KCNB2: variants seen among roughly 807,000 people sequenced by gnomAD.
The protein encoded by KCNB2 is delayed rectifier potassium channel protein.
KCNB2 carries 15 observed loss-of-function variants against 61.5 expected under a neutral mutation model. The observed-to-expected ratio is 0.24, with a 90% confidence interval of 0.16 to 0.38. The LOEUF is 0.38. KCNB2 is among the 10% of genes least tolerant of loss of function. The pLI is 1.00. For missense variants in KCNB2, 828 were observed against 1,125.2 expected (o/e 0.74, Z 3.78); for synonymous variants, 457 against 446.0 (o/e 1.02, Z -0.31).
intron 2 of KCNB2, among the ~76,000 whole-genome samples, chr8:72,612,771 G>A (rs892929406): frequency 6.6e-6 from 1 of 152,044 alleles, no homozygotes; most frequent in Non-Finnish European, 1.5e-5. Flanking sequence ...GTATGATTTT[G>A]GTCCTTAGAA....
At chr8:72,611,873 C>T (rs1185224751) in intron 2 of KCNB2, among the ~76,000 whole-genome samples, 2 of 152,072 alleles carry the variant, frequency 1.3e-5, no homozygotes, top group South Asian at 2.1e-4. Flanking sequence ...TCACTTTCTT[C>T]GTTTTCAAAT....
intron 2 of KCNB2, among the ~76,000 whole-genome samples, chr8:72,662,104 T>C (rs895293698): frequency 1.4e-4 from 22 of 152,172 alleles, no homozygotes; most frequent in Non-Finnish European, 3.2e-4. Context: ...AAACTTCCAA[T>C]GATTAAACAT....
chr8:72,888,929 C>T (rs576196201), intron 2 of KCNB2, among the ~76,000 whole-genome samples: 2 of 152,162 alleles, frequency 1.3e-5, no homozygotes, highest in Admixed American at 1.3e-4. Flanking sequence ...TGCTACTGCT[C>T]TTATGAAATT....
intron 2 of KCNB2, among the ~76,000 whole-genome samples, chr8:72,789,521 G>A (rs77482798): frequency 6.6e-6 from 1 of 152,082 alleles, no homozygotes; most frequent in African/African-American, 2.4e-5. Context: ...GGTAGAGAAG[G>A]GGGAGGCAGG....
At chr8:72,648,059 A>C (rs977164637) in intron 2 of KCNB2, among the ~76,000 whole-genome samples, 1 of 152,158 alleles carries the variant, frequency 6.6e-6, no homozygotes, top group Admixed American at 6.6e-5. Flanking sequence ...GAACTTTTGC[A>C]AACGAGAGCT....
At chr8:72,853,211 G>T (rs554076137) in intron 2 of KCNB2, among the ~76,000 whole-genome samples, 1 of 152,298 alleles carries the variant, frequency 6.6e-6, no homozygotes, top group South Asian at 2.1e-4. Flanking sequence ...CAACAGAACA[G>T]AGCTCTTTGC....
intron 2 of KCNB2, among the ~76,000 whole-genome samples, chr8:72,588,669 A>C (rs1234237043): frequency 6.6e-6 from 1 of 152,124 alleles, no homozygotes; most frequent in South Asian, 2.1e-4. Flanking sequence ...GAAGGCAGGA[A>C]GATTGCATGA....
chr8:72,677,976 A>G lies in KCNB2; in HGVS notation c.579+109663A>G, dbSNP rs551444632. On this transcript the variant is annotated intron_variant, in intron 2 of 2. Coordinates refer to ENST00000523207, the MANE Select transcript of KCNB2 (RefSeq NM_004770.3). ...TCACTCTTCAATTCAAGAATTGTCT[A>G]TCTGTTACTAGACATCTATGTGTGT... 5.3e-5 allele frequency among the ~76,000 whole-genome samples: 8 copies of G among 152,290 alleles called. No homozygotes were observed. In the South Asian group the frequency reaches 6.2e-4, roughly 12 times the overall value.
chr8:72,559,049 A>G (rs1806470751), intron 1 of KCNB2, among the ~76,000 whole-genome samples: 1 of 152,228 alleles, frequency 6.6e-6, no homozygotes, highest in Admixed American at 6.5e-5. Context: ...AGGGACATGT[A>G]GAAGCACAGA....
intron 2 of KCNB2, among the ~76,000 whole-genome samples, chr8:72,810,250 C>T (rs1185202640): frequency 6.6e-6 from 1 of 152,184 alleles, no homozygotes; most frequent in Non-Finnish European, 1.5e-5. Flanking sequence ...GACAGAAAGG[C>T]TGCAAGGTTA....
At chr8:72,544,862 G>C (rs1322323490) in intron 1 of KCNB2, among the ~76,000 whole-genome samples, 1 of 152,104 alleles carries the variant, frequency 6.6e-6, no homozygotes, top group East Asian at 1.9e-4. Context: ...CTGACATTGT[G>C]GAAGAGAATG....
intron 2 of KCNB2, among the ~76,000 whole-genome samples, chr8:72,847,871 A>C (rs200842567): frequency 6.6e-6 from 1 of 152,272 alleles, no homozygotes; most frequent in East Asian, 1.9e-4. Flanking sequence ...CAGTTCCCCA[A>C]CTCATTATAA....
At chr8:72,882,574 G>T (rs6998860) in intron 2 of KCNB2, among the ~76,000 whole-genome samples, 11,005 of 125,540 alleles carry the variant, frequency 0.088, 1,352 homozygotes, top group African/African-American at 0.28. Flanking sequence ...TCTTCATTAC[G>T]GCTCTGCACT....
intron 2 of KCNB2, among the ~76,000 whole-genome samples, chr8:72,806,570 G>C (rs541141991): frequency 6.6e-6 from 1 of 150,954 alleles, no homozygotes. Context: ...AACTGAGATT[G>C]CACCACTGCA....
intron 1 of KCNB2, among the ~76,000 whole-genome samples, chr8:72,553,820 G>A (rs940510619): frequency 4.7e-4 from 72 of 151,994 alleles, no homozygotes; most frequent in Non-Finnish European, 5.9e-4. Flanking sequence ...TTAAATCTGG[G>A]GAGCTATTTT....
chr8:72,916,201 C>G (rs2129007848), intron 2 of KCNB2, among the ~76,000 whole-genome samples: 1 of 152,282 alleles, frequency 6.6e-6, no homozygotes, highest in Non-Finnish European at 1.5e-5. Flanking sequence ...TTTTAAATCA[C>G]TTTTTCTCCC....
intron 2 of KCNB2, among the ~76,000 whole-genome samples, chr8:72,800,597 T>C (rs1809109294): frequency 6.6e-6 from 1 of 151,984 alleles, no homozygotes; most frequent in South Asian, 2.1e-4. Context: ...AATATGGTTA[T>C]TACCCAGAGC....
intron 2 of KCNB2, among the ~76,000 whole-genome samples, chr8:72,805,390 G>T (rs1049951302): frequency 6.6e-6 from 1 of 152,104 alleles, no homozygotes; most frequent in African/African-American, 2.4e-5. Flanking sequence ...AGATACTGTT[G>T]CTCTCACTTT....
chr8:72,604,743 T>G (rs889550119), intron 2 of KCNB2, among the ~76,000 whole-genome samples: 3 of 152,230 alleles, frequency 2.0e-5, no homozygotes, highest in African/African-American at 7.2e-5. Context: ...CAAAGTGTTT[T>G]TGTGGTTTTA....
Sources: allele counts gnomAD v4.1 joint callset (sites outside exome capture counted in the v4.1 genomes callset), GRCh38; gene constraint gnomAD v4.1.1; transcripts MANE v1.5; gene names NCBI Gene and HGNC (gene_info 2026-07-23, HGNC 2026-07-21).